DICER1: variants seen among roughly 807,000 people sequenced by gnomAD.
The protein encoded by DICER1 is endoribonuclease Dicer.
A neutral mutation model predicts 194.1 loss-of-function variants in DICER1; 43 were observed. The observed-to-expected ratio is 0.22, with a 90% CI of 0.17 to 0.29. The LOEUF (loss-of-function observed/expected upper bound fraction) is 0.29, where lower values mean the gene tolerates loss of function less well. Among genes scored for constraint, DICER1 ranks in the 10% least tolerant of loss-of-function variants. DICER1 has a pLI of 1.00. For synonymous variants in DICER1, 832 were observed against 820.5 expected, an observed-to-expected ratio of 1.01 and a Z score of -0.24; for missense variants, 1,608 against 2,317.0, an observed-to-expected ratio of 0.69 and a Z score of 6.28.
chr14:95,144,112 T>C (rs138572211), intron 1 of DICER1, among the ~76,000 whole-genome samples: 170 of 152,282 alleles, frequency 1.1e-3, no homozygotes, highest in African/African-American at 3.9e-3. Flanking sequence ...AAATTGATGC[T>C]CTTGCCTCTT....
rs1595339590 is a variant in DICER1, at chr14:95,096,145, G to A, written c.4775C>T (p.Pro1592Leu). Reference sequence around the variant, plus strand: ...TTCCCGATCAGTCCTTTTAATTACCGGGAGCACCTTCAGCCCCAGTGAACA... The same window carrying A: ...TTCCCGATCAGTCCTTTTAATTACCAGGAGCACCTTCAGCCCCAGTGAACA... ...FLCSLGLKVLPVIKRTDREKA... is the reference protein window; with the variant it reads ...FLCSLGLKVLLVIKRTDREKA... Residue 1592 changes from proline to leucine, a missense_variant, in exon 23 of 27, where the codon CCG becomes CTG. Pro to Leu is a moderately conservative substitution (Grantham distance 98, BLOSUM62 -3). This residue lies in a region of DICER1 where 125 missense variants were observed against 134.9 expected (regional missense o/e 0.93). Transcript: ENST00000343455. 3 of 1,614,104 alleles carry A rather than the reference G, an allele frequency of 1.9e-6. No homozygotes were observed. The highest frequency in any genetic ancestry group is 1.1e-5 in the South Asian group (1 of 91,084).
In DICER1 at chr14:95,102,124, G is replaced by A. The variant is rs139255776; in HGVS notation, c.4050+1222C>T. 2.4e-3 allele frequency among the ~76,000 whole-genome samples: 366 copies of A among 152,276 alleles called. 1 individual carries two copies. Among genetic ancestry groups the A allele is most frequent in the Non-Finnish European group, 3.9e-3 (267 of 68,026 alleles). On this transcript the variant is annotated intron_variant, in intron 21 of 26. Transcript: ENST00000343455. ...TGTGGGTGTGTGTACGTGTGTGTGC[G>A]TATACGGTTATCTTTTAGAGTAGTG...
intron 8 of DICER1, among the ~76,000 whole-genome samples, chr14:95,118,459 C>T (rs186357197): frequency 9.7e-4 from 148 of 152,308 alleles, no homozygotes; most frequent in Middle Eastern, 3.4e-3. Flanking sequence ...AATGGCAAGG[C>T]AACCCCACCC....
intron 11 of DICER1, 53 bp from the exon 12 acceptor site, chr14:95,113,277 TA>T (rs1329741043): frequency 6.4e-7 from 1 of 1,556,294 alleles, no homozygotes; most frequent in Admixed American, 1.7e-5. Context: ...AAAATATTGA[TA>T]TTTATAACCT....
At chr14:95,111,178 C>T (rs769829885) in intron 14 of DICER1, 139 bp downstream of exon 14, 2 of 884,710 alleles carry the variant, frequency 2.3e-6, no homozygotes, top group Admixed American at 1.8e-5. Context: ...AGCTGTGAAT[C>T]GGAGAAAGGA....
At chr14:95,111,803 T>C (rs2140073021) in intron 13 of DICER1, among the ~76,000 whole-genome samples, 1 of 151,708 alleles carries the variant, frequency 6.6e-6, no homozygotes. Context: ...ACTGAGTTCA[T>C]TTTTTAAAAA....
chr14:95,148,273 T>C (rs1396989805), intron 1 of DICER1, among the ~76,000 whole-genome samples: 1 of 152,022 alleles, frequency 6.6e-6, no homozygotes, highest in Non-Finnish European at 1.5e-5. Context: ...TCCCCAGAGG[T>C]TGGAGGGTGG....
rs1892593906 is a variant in DICER1 at position 95,117,632 on chromosome 14, T to G, written c.1499A>C (p.Lys500Thr). ...TTTGATTTAAGTTACCTCTTCCTGT[T>G]TTCTGAATTCTGCTTCCATCTGTTT... The part of the protein sequence containing the change: ...RNKQMEAEFR[K>T]QEEVLRKFRA... The change falls in exon 9 of 27, where the codon AAA becomes ACA. Residue 500 changes from lysine to threonine, a missense_variant. By Grantham distance (78) the Lys-to-Thr change is moderately conservative. Around this residue, in one of 10 missense-constraint regions of DICER1, gnomAD observed 657 missense variants for 910.1 expected, o/e 0.72. Transcript: ENST00000343455. 6.2e-7 allele frequency: 1 copy of G among 1,613,946 alleles called. No homozygotes were observed. The highest frequency in any genetic ancestry group is 1.1e-5 in the South Asian group (1 of 91,080).
chr14:95,131,489 A>T lies in DICER1; in HGVS notation c.438+20T>A, dbSNP rs1444137917. 1.2e-6 allele frequency: 2 copies of T among 1,610,346 alleles called. No individual in the cohort carries two copies. Among genetic ancestry groups the T allele is most frequent in the Non-Finnish European group, 1.7e-6 (2 of 1,176,658 alleles). The stretch of plus-strand genomic sequence containing the variant: ...GAACTTGTAGGGATTTATAAAGTGA[A>T]ATTTCTCTACAAGTCTTACCTGGTG... On this transcript the variant is annotated intron_variant, in intron 4 of 26. Transcript: ENST00000343455.
intron 23 of DICER1, among the ~76,000 whole-genome samples, chr14:95,095,164 T>C (rs1440356185): frequency 1.3e-5 from 2 of 152,220 alleles, no homozygotes; most frequent in Non-Finnish European, 2.9e-5. Context: ...CACTTATTTT[T>C]CTGATACAGA....
intron 8 of DICER1, among the ~76,000 whole-genome samples, chr14:95,120,545 G>A (rs1414163428): frequency 6.6e-6 from 1 of 152,204 alleles, no homozygotes; most frequent in Non-Finnish European, 1.5e-5. Flanking sequence ...GGGCCAGGCA[G>A]GGAGAAATAC....
chr14:95,105,661 T>G lies in DICER1; in HGVS notation c.3093+17A>C. On this transcript the variant is annotated intron_variant, in intron 19 of 26. Transcript: ENST00000343455. This position sits in a 1 kb window ranked among gnomAD's most constrained non-coding sequence, Gnocchi z 4.9. Reference sequence around the variant, plus strand: ...TCAAACAAATACTAAGTTATGCTAGTACAATTAACTCATTACCTGTTTATT... The same window carrying G: ...TCAAACAAATACTAAGTTATGCTAGGACAATTAACTCATTACCTGTTTATT... 1 of 1,506,750 alleles carries G rather than the reference T, an allele frequency of 6.6e-7. No individual in the cohort carries two copies. Among genetic ancestry groups the G allele is most frequent in the South Asian group, 1.1e-5 (1 of 88,904 alleles). 93.3% of individuals were successfully genotyped at this position (1,506,750 alleles called of 1,614,324 possible).
chr14:95,131,618 A>G lies in DICER1; in HGVS notation c.329T>C (p.Val110Ala). 6.2e-7 allele frequency: 1 copy of G among 1,613,914 alleles called. No homozygotes were observed. Among genetic ancestry groups the G allele is most frequent in the South Asian group, 1.1e-5 (1 of 91,082 alleles). ...ATCTGAATGAGTTCTGACAGCTGAC[A>G]CTTGTTGAGCAACCTGGTTTGCTAA... ...VNSANQVAQQ[V>A]SAVRTHSDLK... Residue 110 changes from valine (V) to alanine (A), a missense_variant, in exon 4 of 27, where the codon GTG becomes GCG. This residue lies in a region of DICER1 where 657 missense variants were observed against 910.1 expected (regional missense o/e 0.72). Transcript: ENST00000343455.
At chr14:95,157,889 C>CTTAG (rs1896004968), upstream of DICER1, 1 of 152,356 alleles carries the variant, frequency 6.6e-6, no homozygotes. Flanking sequence ...TCCCGGAGAG[C>CTTAG]TTAGCTTCCC....
chr14:95,135,822 T>C (rs978422049), intron 1 of DICER1, among the ~76,000 whole-genome samples: 2 of 152,204 alleles, frequency 1.3e-5, no homozygotes, highest in Admixed American at 6.5e-5. Flanking sequence ...GATGGACACT[T>C]AGATTGTTTC....
At chr14:95,100,404 A>G (rs1350602104) in intron 21 of DICER1, among the ~76,000 whole-genome samples, 1 of 152,248 alleles carries the variant, frequency 6.6e-6, no homozygotes, top group Non-Finnish European at 1.5e-5. Flanking sequence ...ACTGGCACCG[A>G]ACAAAACTGA....
At chr14:95,094,301 C>G (rs927250883) in intron 23 of DICER1, 145 bp from the exon 24 acceptor site, 2 of 1,070,180 alleles carry the variant, frequency 1.9e-6, no homozygotes, top group African/African-American at 3.2e-5. Flanking sequence ...TCTGACATAT[C>G]ATACTAAAAA....
intron 1 of DICER1, among the ~76,000 whole-genome samples, chr14:95,143,010 G>C (rs752540041): frequency 6.6e-6 from 1 of 152,126 alleles, no homozygotes; most frequent in African/African-American, 2.4e-5. Flanking sequence ...TATTAACTTT[G>C]CAAATATTAC....
intron 1 of DICER1, among the ~76,000 whole-genome samples, chr14:95,144,034 T>C (rs1362218206): frequency 6.6e-6 from 1 of 152,230 alleles, no homozygotes; most frequent in Non-Finnish European, 1.5e-5. Flanking sequence ...AAACAACTCC[T>C]ACCTACTTCC....
Sources: gnomAD v4.1 joint callset for allele counts (sites outside exome capture counted in the v4.1 genomes callset) on GRCh38, gnomAD v4.1.1 for gene constraint, gnomAD v4.1.1 regional missense constraint, Gnocchi (gnomAD v3.1) non-coding constraint, MANE v1.5 for transcripts, NCBI Gene and HGNC (gene_info 2026-07-23, HGNC 2026-07-21) for gene names.